SSBP2: variants seen among roughly 807,000 people sequenced by gnomAD.
SSBP2 encodes single stranded DNA binding protein 2.
SSBP2 carries 17 observed loss-of-function variants against 61.8 expected under a neutral mutation model. The ratio of observed to expected loss-of-function variants is 0.28; its 90% CI spans 0.19 to 0.41. The LOEUF (loss-of-function observed/expected upper bound fraction) is 0.41, where lower values mean the gene tolerates loss of function less well. Among genes scored for constraint, SSBP2 ranks in the 10% least tolerant of loss-of-function variants. The pLI, the probability that SSBP2 is intolerant of heterozygous loss-of-function variation, is 1.00. For synonymous variants in SSBP2, 139 were observed against 141.3 expected (o/e 0.98, Z 0.12); for missense variants, 310 against 458.7 (o/e 0.68, Z 2.96).
chr5:81,632,369 G>A (rs1177583403), intron 3 of SSBP2, among the ~76,000 whole-genome samples: 1 of 151,950 alleles, frequency 6.6e-6, no homozygotes, highest in Non-Finnish European at 1.5e-5. Context: ...CATTTAGACA[G>A]TTAGTGGCAG....
At chr5:81,425,180 G>A (rs1761876642) in intron 16 of SSBP2, among the ~76,000 whole-genome samples, 1 of 152,128 alleles carries the variant, frequency 6.6e-6, no homozygotes, top group East Asian at 1.9e-4. Flanking sequence ...AAAATCCAGA[G>A]ATTTCCATGA....
intron 4 of SSBP2, among the ~76,000 whole-genome samples, chr5:81,514,732 A>C (rs1288083495): frequency 6.6e-6 from 1 of 151,944 alleles, no homozygotes; most frequent in Non-Finnish European, 1.5e-5. Context: ...ATAAGATGTA[A>C]AATCTCAGTA....
intron 4 of SSBP2, among the ~76,000 whole-genome samples, chr5:81,611,459 TTTAAC>T (rs1169536505): frequency 3.9e-5 from 6 of 152,180 alleles, no homozygotes; most frequent in Admixed American, 1.3e-4. Flanking sequence ...TAAAAAAATC[TTTAAC>T]TTATTTTCTA....
chr5:81,443,788 T>G (rs1232941462), intron 12 of SSBP2, among the ~76,000 whole-genome samples: 1 of 152,218 alleles, frequency 6.6e-6, no homozygotes, highest in Non-Finnish European at 1.5e-5. Flanking sequence ...GGTCTTGATC[T>G]CCTGACCCTG....
chr5:81,710,854 C>T (rs555248377), intron 1 of SSBP2: 2 of 241,716 alleles, frequency 8.3e-6, no homozygotes, highest in East Asian at 1.2e-4. Flanking sequence ...CATGGGAGCA[C>T]GAATAAAAAG....
intron 6 of SSBP2, among the ~76,000 whole-genome samples, chr5:81,478,122 T>G (rs527657405): frequency 4.1e-4 from 62 of 152,066 alleles, no homozygotes; most frequent in Non-Finnish European, 8.1e-4. Flanking sequence ...GATATTATAT[T>G]CAATTGTGAA....
intron 3 of SSBP2, among the ~76,000 whole-genome samples, chr5:81,625,017 C>G (rs538037767): frequency 7.2e-5 from 11 of 152,218 alleles, no homozygotes; most frequent in Admixed American, 3.3e-4. Flanking sequence ...AAATTGCTCA[C>G]TTGCTCAAAA....
intron 2 of SSBP2, among the ~76,000 whole-genome samples, chr5:81,648,897 AC>A (rs1749496442): frequency 1.3e-5 from 2 of 152,118 alleles, no homozygotes; most frequent in East Asian, 3.9e-4. Context: ...AAATATTATC[AC>A]TTCAATGTAT....
chr5:81,594,353 T>A (rs1274523458), intron 4 of SSBP2, among the ~76,000 whole-genome samples: 4 of 152,008 alleles, frequency 2.6e-5, no homozygotes, highest in Admixed American at 6.6e-5. Flanking sequence ...AAGTCCTTAG[T>A]GACCTACAAA....
chr5:81,666,895 T>A (rs919661243), intron 1 of SSBP2, among the ~76,000 whole-genome samples: 13 of 152,184 alleles, frequency 8.5e-5, no homozygotes, highest in African/African-American at 2.9e-4. Context: ...TCTTAATACT[T>A]GTTGACTAAC....
chr5:81,736,982 C>G (rs1354924060), intron 1 of SSBP2, among the ~76,000 whole-genome samples: 1 of 152,086 alleles, frequency 6.6e-6, no homozygotes, highest in Non-Finnish European at 1.5e-5. Context: ...CCCTTTAATT[C>G]TAATCTCCTA....
intron 4 of SSBP2, among the ~76,000 whole-genome samples, chr5:81,520,095 C>T (rs1769351558): frequency 6.6e-6 from 1 of 151,828 alleles, no homozygotes; most frequent in Non-Finnish European, 1.5e-5. Flanking sequence ...AGTAATTCTC[C>T]TGTCTCGGCC....
Position 81,709,967 on chromosome 5 carries a change from T to C in SSBP2, c.62+41014A>G, listed in dbSNP as rs933004125. Among the ~76,000 whole-genome samples, 14 of 152,044 alleles carry C rather than the reference T, an allele frequency of 9.2e-5. No homozygotes were observed. In the South Asian group the frequency reaches 2.1e-3, roughly 22 times the overall value. On this transcript the variant is annotated intron_variant, in intron 1 of 16. Coordinates refer to ENST00000320672, the MANE Select transcript of SSBP2 (RefSeq NM_012446.5). ...AGAAAAATAAGCAAATTCTTTTCAA[T>C]ACTTTTGAATATCTGAATTTTTATA... is the stretch of plus-strand genomic sequence containing the variant.
At chr5:81,573,775 G>T (rs1198503706) in intron 4 of SSBP2, among the ~76,000 whole-genome samples, 3 of 152,076 alleles carry the variant, frequency 2.0e-5, no homozygotes, top group Non-Finnish European at 2.9e-5. Context: ...TGGAAACAAA[G>T]AGAAACAAAA....
chr5:81,532,655 A>G (rs1057175099), intron 4 of SSBP2, among the ~76,000 whole-genome samples: 27 of 151,978 alleles, frequency 1.8e-4, no homozygotes, highest in African/African-American at 6.5e-4. Flanking sequence ...CTGCTCCAAG[A>G]AACAACTTTA....
intron 1 of SSBP2, among the ~76,000 whole-genome samples, chr5:81,724,876 A>G (rs1221188037): frequency 6.6e-6 from 1 of 152,124 alleles, no homozygotes; most frequent in Non-Finnish European, 1.5e-5. Flanking sequence ...TCTAAAACCA[A>G]CACAGGTTAA....
At chr5:81,549,950 C>T (rs545311461) in intron 4 of SSBP2, among the ~76,000 whole-genome samples, 24 of 152,240 alleles carry the variant, frequency 1.6e-4, no homozygotes, top group East Asian at 3.9e-4. Flanking sequence ...ACCTTTTGTG[C>T]CCTGCTTTTC....
chr5:81,432,464 C>T (rs931586468), intron 15 of SSBP2, among the ~76,000 whole-genome samples: 6 of 152,148 alleles, frequency 3.9e-5, no homozygotes, highest in Admixed American at 1.3e-4. Context: ...GAAAACAAAC[C>T]GGCCGGGCAC....
chr5:81,578,703 A>T (rs768527377), intron 4 of SSBP2, among the ~76,000 whole-genome samples: 22 of 152,182 alleles, frequency 1.4e-4, no homozygotes, highest in Non-Finnish European at 3.1e-4. Context: ...AATTTACACC[A>T]GTAAAGGTAA....
Sources: allele counts gnomAD v4.1 joint callset (sites outside exome capture counted in the v4.1 genomes callset), GRCh38; gene constraint gnomAD v4.1.1; transcripts MANE v1.5; gene names NCBI Gene and HGNC (gene_info 2026-07-23, HGNC 2026-07-21).